Variants in MYO16 observed in about 807,000 individuals in gnomAD.
MYO16 encodes unconventional myosin-XVI.
A neutral mutation model predicts 205.3 loss-of-function variants in MYO16; 94 were observed. The observed-to-expected ratio is 0.46, with a 90% CI of 0.39 to 0.54. The LOEUF (loss-of-function observed/expected upper bound fraction) is 0.54. Among genes scored for constraint, MYO16 ranks in the 20% least tolerant of loss-of-function variants. MYO16 has a pLI of 0.00. For synonymous variants in MYO16, 988 were observed against 954.0 expected (o/e 1.04, Z -0.66); for missense variants, 2,315 against 2,387.5 (o/e 0.97, Z 0.63).
intron 23 of MYO16, among the ~76,000 whole-genome samples, chr13:109,026,128 A>T (rs1319111186): frequency 6.6e-6 from 1 of 152,222 alleles, no homozygotes; most frequent in Non-Finnish European, 1.5e-5. Flanking sequence ...CCTTCTCCCC[A>T]CAAATGCTTA....
chr13:108,684,574 G>T (rs1411000678), intron 2 of MYO16, among the ~76,000 whole-genome samples: 1 of 152,110 alleles, frequency 6.6e-6, no homozygotes, highest in African/African-American at 2.4e-5. Flanking sequence ...CTAATCCCTT[G>T]GAATTTCCTG....
chr13:108,698,239 A>T (rs533151604), intron 2 of MYO16, among the ~76,000 whole-genome samples: 124 of 152,324 alleles, frequency 8.1e-4, no homozygotes, highest in African/African-American at 2.9e-3. Flanking sequence ...TCAGAGAATA[A>T]AGATGCTAGA....
At chr13:108,807,656 T>A (rs188506303) in intron 7 of MYO16, among the ~76,000 whole-genome samples, 125 of 152,296 alleles carry the variant, frequency 8.2e-4, no homozygotes, top group African/African-American at 3.0e-3. Context: ...TATTTGCTCA[T>A]AATATTCCAT....
At chr13:109,096,704 G>C (rs917884073) in intron 27 of MYO16, among the ~76,000 whole-genome samples, 2 of 142,992 alleles carry the variant, frequency 1.4e-5, no homozygotes, top group African/African-American at 5.2e-5. Context: ...TCGAAGGCAA[G>C]CTAGGAGACA....
intron 23 of MYO16, among the ~76,000 whole-genome samples, chr13:109,032,351 G>A (rs796223082): frequency 1.2e-4 from 18 of 152,256 alleles, no homozygotes; most frequent in African/African-American, 3.6e-4. Flanking sequence ...AGCTCAGGCC[G>A]CTGCAGCAGA....
intron 6 of MYO16, among the ~76,000 whole-genome samples, chr13:108,802,465 C>T (rs1356476876): frequency 6.6e-6 from 1 of 152,104 alleles, no homozygotes; most frequent in African/African-American, 2.4e-5. Flanking sequence ...TGTATATATG[C>T]TACATTTTCT....
At chr13:108,853,591 T>A (rs961243529) in intron 10 of MYO16, among the ~76,000 whole-genome samples, 23 of 139,088 alleles carry the variant, frequency 1.7e-4, no homozygotes, top group African/African-American at 6.3e-4. Context: ...ATTTCTGAGA[T>A]CTAGATTTTT....
chr13:108,919,310 A>G (rs1457601102), intron 16 of MYO16, among the ~76,000 whole-genome samples: 1 of 152,240 alleles, frequency 6.6e-6, no homozygotes, highest in Non-Finnish European at 1.5e-5. Flanking sequence ...TGCCTCTTCA[A>G]TCTCACCCTT....
chr13:109,096,458 G>A (rs778330708), intron 27 of MYO16, among the ~76,000 whole-genome samples: 1 of 152,104 alleles, frequency 6.6e-6, no homozygotes, highest in Admixed American at 6.5e-5. Context: ...TTTGGCGGGG[G>A]GACACAGTTC....
intron 24 of MYO16, chr13:109,048,466 A>T (rs1004471729): frequency 1.8e-6 from 1 of 555,248 alleles, no homozygotes; most frequent in African/African-American, 1.9e-5. Flanking sequence ...GCACCATAAG[A>T]TCCTTGTTGC....
chr13:108,729,125 T>C (rs559661995), intron 4 of MYO16, among the ~76,000 whole-genome samples: 25 of 152,062 alleles, frequency 1.6e-4, no homozygotes, highest in Non-Finnish European at 2.9e-4. Context: ...GGGCTAGTAC[T>C]GTATATAAAA....
At chr13:108,662,780 T>G (rs1267780371) in intron 1 of MYO16, among the ~76,000 whole-genome samples, 2 of 152,136 alleles carry the variant, frequency 1.3e-5, no homozygotes, top group Non-Finnish European at 2.9e-5. Context: ...TCCCCCGAGT[T>G]CTGGCCAGGA....
chr13:108,853,533 T>A (rs1877998943), intron 10 of MYO16, among the ~76,000 whole-genome samples: 1 of 152,090 alleles, frequency 6.6e-6, no homozygotes, highest in Admixed American at 6.6e-5. Context: ...ACTCAGGGTG[T>A]TTGAGTTTGT....
rs2139770425 is a variant in MYO16, at chr13:109,125,151, G to A, written c.3575G>A (p.Arg1192Lys). ...GFLARQHLLQRISIRQQEVTS... is the reference protein window; with the variant it reads ...GFLARQHLLQKISIRQQEVTS... ...TTAGCACGCCAGCACCTGCTTCAGA[G>A]AATAAGCATCAGACAACAAGAGGTG... Residue 1192 changes from arginine to lysine, a missense_variant, in exon 30 of 35, where the codon AGA becomes AAA. Physicochemically the swap from Arg to Lys is conservative, Grantham distance 26. This residue lies in a region of MYO16 where 1,097 missense variants were observed against 1,092.0 expected (regional missense o/e 1.00). Transcript: ENST00000457511. The surrounding 1 kb of genome is among the most constrained non-coding windows in gnomAD (Gnocchi z 4.0). 3 of 1,614,096 alleles carry A rather than the reference G, an allele frequency of 1.9e-6. No individual in the cohort carries two copies. The highest frequency in any genetic ancestry group is 2.5e-6 in the Non-Finnish European group (3 of 1,179,990).
intron 15 of MYO16, among the ~76,000 whole-genome samples, chr13:108,907,512 C>T (rs1479524998): frequency 1.3e-5 from 2 of 152,176 alleles, no homozygotes; most frequent in Non-Finnish European, 2.9e-5. Context: ...CATACTCCTT[C>T]CATTTTTACC....
chr13:108,589,507 T>G, the MYO16 span, among the ~76,000 whole-genome samples: 67 of 152,188 alleles, frequency 4.4e-4, 5 homozygotes. Context: ...AAATTGTTAT[T>G]ACTGTTTAGT....
chr13:108,743,038 C>T (rs1884956434), intron 4 of MYO16, among the ~76,000 whole-genome samples: 4 of 152,118 alleles, frequency 2.6e-5, no homozygotes, highest in African/African-American at 7.2e-5. Flanking sequence ...CTAAGCTATT[C>T]GGTACAGTTA....
At chr13:109,044,693 C>T (rs1391799545) in intron 23 of MYO16, among the ~76,000 whole-genome samples, 3 of 152,162 alleles carry the variant, frequency 2.0e-5, no homozygotes, top group African/African-American at 7.2e-5. Flanking sequence ...AGATTACCCA[C>T]ACTATTTGTA....
At chr13:108,621,743 A>C (rs1879551293) in intron 1 of MYO16, among the ~76,000 whole-genome samples, 1 of 152,118 alleles carries the variant, frequency 6.6e-6, no homozygotes, top group Admixed American at 6.6e-5. Flanking sequence ...CACATCAGGC[A>C]TCAGTAGGCA....
Sources: allele counts gnomAD v4.1 joint callset (sites outside exome capture counted in the v4.1 genomes callset), GRCh38; gene constraint gnomAD v4.1.1; regional missense constraint gnomAD v4.1.1; non-coding constraint Gnocchi (gnomAD v3.1); transcripts MANE v1.5; gene names NCBI Gene and HGNC (gene_info 2026-07-23, HGNC 2026-07-21).